EYS: variants seen among roughly 807,000 people sequenced by gnomAD.
EYS encodes the protein EGF-like photoreceptor maintenance factor.
A neutral mutation model predicts 282.1 loss-of-function variants in EYS; 250 were observed. The observed-to-expected ratio is 0.89, with a 90% CI of 0.80 to 0.98. The LOEUF (loss-of-function observed/expected upper bound fraction) is 0.98. EYS is among the 50% of genes least tolerant of loss of function. EYS has a pLI of 0.00. For missense variants in EYS, 4,016 were observed against 3,709.0 expected (o/e 1.08, Z -2.15); for synonymous variants, 1,355 against 1,282.9 (o/e 1.06, Z -1.20).
intron 30 of EYS, 145 bp downstream of exon 30, chr6:64,306,823 AAG>A (rs574566196): frequency 2.0e-5 from 12 of 589,932 alleles, no homozygotes; most frequent in Admixed American, 2.0e-4. Flanking sequence ...TAAACTGTAA[AAG>A]AGTGAAGTAG....
intron 2 of EYS, among the ~76,000 whole-genome samples, chr6:65,627,221 A>C (rs1023511925): frequency 6.6e-6 from 1 of 152,218 alleles, no homozygotes; most frequent in Non-Finnish European, 1.5e-5. Flanking sequence ...GCAAGAGTGA[A>C]ACATAAAACT....
chr6:64,894,358 A>G (rs4394190), intron 18 of EYS, among the ~76,000 whole-genome samples: 115,722 of 152,032 alleles, frequency 0.76, 44,376 homozygotes, highest in South Asian at 0.8. Flanking sequence ...GAGCAAATAA[A>G]CATATAAATC....
intron 12 of EYS, among the ~76,000 whole-genome samples, chr6:65,100,461 C>T (rs1019108783): frequency 6.6e-6 from 1 of 150,382 alleles, no homozygotes; most frequent in Non-Finnish European, 1.5e-5. Flanking sequence ...GGAATCTGTG[C>T]CACATATTGC....
chr6:64,961,878 C>T (rs748463203), intron 14 of EYS, among the ~76,000 whole-genome samples: 23 of 151,934 alleles, frequency 1.5e-4, no homozygotes, highest in African/African-American at 2.2e-4. Flanking sequence ...ATTTCTGAAG[C>T]GGTTTTTCTA....
chr6:64,714,674 T>C (rs1230689246), intron 22 of EYS, among the ~76,000 whole-genome samples: 2 of 151,972 alleles, frequency 1.3e-5, no homozygotes, highest in Non-Finnish European at 2.9e-5. Context: ...TATAGGAGCC[T>C]GCCACCACGC....
At chr6:65,427,884 C>T (rs1464388955) in intron 5 of EYS, among the ~76,000 whole-genome samples, 1 of 151,692 alleles carries the variant, frequency 6.6e-6, no homozygotes, top group Non-Finnish European at 1.5e-5. Context: ...TAGGATGCTT[C>T]CACATATAGA....
At chr6:64,342,006 G>A (rs1042874784) in intron 29 of EYS, among the ~76,000 whole-genome samples, 8 of 151,688 alleles carry the variant, frequency 5.3e-5, no homozygotes, top group African/African-American at 1.9e-4. Context: ...TATAAGAGGA[G>A]GAGGGAAATG....
At chr6:64,979,408 G>T (rs146015283) in intron 14 of EYS, among the ~76,000 whole-genome samples, 39 of 151,800 alleles carry the variant, frequency 2.6e-4, no homozygotes, top group African/African-American at 8.9e-4. Context: ...TGATAGAACT[G>T]ACCTAAGTAG....
chr6:64,508,945 G>A (rs560605532), intron 26 of EYS, among the ~76,000 whole-genome samples: 21 of 151,572 alleles, frequency 1.4e-4, no homozygotes, highest in Middle Eastern at 3.4e-3. Flanking sequence ...TCTTTCTCTG[G>A]GTTATTCTTT....
At chr6:65,149,330 C>T (rs886397679) in intron 12 of EYS, among the ~76,000 whole-genome samples, 3 of 152,106 alleles carry the variant, frequency 2.0e-5, no homozygotes, top group African/African-American at 7.2e-5. Flanking sequence ...AGGGCAGGGG[C>T]AAAATGTCAC....
intron 5 of EYS, among the ~76,000 whole-genome samples, chr6:65,454,439 T>C (rs1764526774): frequency 6.6e-6 from 1 of 152,044 alleles, no homozygotes; most frequent in Non-Finnish European, 1.5e-5. Context: ...ACATATTTTC[T>C]CTCATTTGTA....
intron 2 of EYS, among the ~76,000 whole-genome samples, chr6:65,524,788 C>A (rs993878285): frequency 6.6e-6 from 1 of 152,206 alleles, no homozygotes; most frequent in Admixed American, 6.5e-5. Context: ...GTAGGGAATA[C>A]AAATCCACAT....
chr6:63,728,575 C>A (rs1015662301), intron 41 of EYS, among the ~76,000 whole-genome samples: 1 of 152,176 alleles, frequency 6.6e-6, no homozygotes. Context: ...TATATTGACA[C>A]ATCATTATCA....
At chr6:64,022,988 C>A (rs761252362) in intron 33 of EYS, among the ~76,000 whole-genome samples, 3 of 152,188 alleles carry the variant, frequency 2.0e-5, no homozygotes, top group Non-Finnish European at 4.4e-5. Flanking sequence ...CTTCAACAAA[C>A]CATTATGCAA....
intron 33 of EYS, among the ~76,000 whole-genome samples, chr6:64,034,248 C>A (rs1265271373): frequency 6.6e-6 from 1 of 152,120 alleles, no homozygotes; most frequent in African/African-American, 2.4e-5. Context: ...CTTGTTAATA[C>A]CACCACTACT....
intron 22 of EYS, among the ~76,000 whole-genome samples, chr6:64,632,778 A>G (rs1391810828): frequency 6.6e-6 from 1 of 152,140 alleles, no homozygotes; most frequent in Non-Finnish European, 1.5e-5. Context: ...AAAGCCAATG[A>G]TCTGAGCAGA....
intron 22 of EYS, among the ~76,000 whole-genome samples, chr6:64,636,160 A>G (rs1005639058): frequency 7.9e-5 from 12 of 152,164 alleles, no homozygotes; most frequent in Admixed American, 1.3e-4. Context: ...GAACAAAGCC[A>G]GAAGCATCAC....
At chr6:64,995,871 G>T (rs1771243111) in intron 14 of EYS, among the ~76,000 whole-genome samples, 1 of 152,028 alleles carries the variant, frequency 6.6e-6, no homozygotes, top group Admixed American at 6.6e-5. Flanking sequence ...TTTGGTATAA[G>T]GCAAGATGTA....
intron 12 of EYS, among the ~76,000 whole-genome samples, chr6:65,278,057 C>CTTTTCTTTTCTTTTCTTT (rs1562067588): frequency 2.8e-5 from 4 of 145,016 alleles, no homozygotes; most frequent in African/African-American, 1.0e-4. Flanking sequence ...CTTTTCTTTT[C>CTTTTCTTTTCTTTTCTTT]TTTTTTTCTG....
Sources: gnomAD v4.1 joint callset for allele counts (sites outside exome capture counted in the v4.1 genomes callset) on GRCh38, gnomAD v4.1.1 for gene constraint, MANE v1.5 for transcripts, NCBI Gene and HGNC (gene_info 2026-07-23, HGNC 2026-07-21) for gene names.